Variants in POF1B observed in about 807,000 individuals in gnomAD.
POF1B encodes protein POF1B.
POF1B carries 53 observed loss-of-function variants against 55.3 expected under a neutral mutation model. That is an observed-to-expected ratio of 0.96 (90% CI 0.77 to 1.20). POF1B has a LOEUF of 1.20. Among genes scored for constraint, POF1B ranks in the 50% most tolerant of loss-of-function variants. The pLI is 0.00. For missense variants in POF1B, 478 were observed against 420.5 expected (o/e 1.14, Z -1.20); for synonymous variants, 188 against 148.3 (o/e 1.27, Z -1.95).
intron 7 of POF1B, among the ~76,000 whole-genome samples, chrX:85,324,145 A>C: frequency 8.9e-6 from 1 of 111,790 alleles, no homozygotes; most frequent in Non-Finnish European, 1.9e-5. Flanking sequence ...TTTTTGGGTC[A>C]ATTTTGGAAT....
At chrX:85,305,444 C>T (rs184483245) in intron 13 of POF1B, among the ~76,000 whole-genome samples, 40 of 110,768 alleles carry the variant, frequency 3.6e-4, no homozygotes, top group African/African-American at 1.3e-3. Context: ...AACTATGGCT[C>T]TGTTGAGTAA....
intron 15 of POF1B, among the ~76,000 whole-genome samples, chrX:85,295,183 G>T (rs1932282663): frequency 9.0e-6 from 1 of 111,369 alleles, no homozygotes; most frequent in South Asian, 3.7e-4. Flanking sequence ...TGGTTTCATT[G>T]ATCTTTGGTA....
chrX:85,364,044 T>C (rs958332557), intron 3 of POF1B, among the ~76,000 whole-genome samples: 1 of 112,093 alleles, frequency 8.9e-6, no homozygotes, highest in Non-Finnish European at 1.9e-5. Context: ...AAGTCTGTTT[T>C]GTCTGAAATT....
intron 7 of POF1B, among the ~76,000 whole-genome samples, chrX:85,323,483 A>G (rs1345285626): frequency 2.8e-5 from 3 of 108,387 alleles, no homozygotes; most frequent in African/African-American, 1.0e-4. Flanking sequence ...ATTAGGAGAT[A>G]TACCTAATGC....
At position 85,379,272 on chromosome X, in the gene POF1B, C is replaced by T. The variant is rs780681420; in HGVS notation, c.183G>A (p.Lys61=). The part of the protein sequence containing the change: ...RVRTYSGPMN[K]VVQALDPFNS... ...TGAAGGGGTCCAAGGCCTGCACCAC[C>T]TTGTTCATGGGCCCACTGTAGGTCC... Residue 61 remains lysine (K), a synonymous_variant, in exon 2 of 17, where the codon AAG becomes AAA. Transcript: ENST00000262753. 3.3e-6 allele frequency: 4 copies of T among 1,210,864 alleles called. No homozygotes were observed. In the East Asian group the frequency reaches 1.2e-4, roughly 36 times the overall value.
chrX:85,353,654 G>A (rs1438842981), intron 4 of POF1B, among the ~76,000 whole-genome samples: 3 of 110,817 alleles, frequency 2.7e-5, no homozygotes, highest in Non-Finnish European at 3.8e-5. Context: ...AAAAATGTCT[G>A]GGTAGACACT....
chrX:85,362,926 C>A (rs1168520398), intron 3 of POF1B, among the ~76,000 whole-genome samples: 1 of 110,814 alleles, frequency 9.0e-6, no homozygotes, highest in African/African-American at 3.3e-5. Flanking sequence ...TTTTGGAGCT[C>A]ATTATTGGTC....
intron 6 of POF1B, among the ~76,000 whole-genome samples, chrX:85,333,022 A>G (rs1408713350): frequency 9.0e-6 from 1 of 111,557 alleles, no homozygotes; most frequent in Non-Finnish European, 1.9e-5. Flanking sequence ...ATATATATTC[A>G]TATGTCTATA....
At chrX:85,324,922 A>G (rs1932880930) in intron 7 of POF1B, among the ~76,000 whole-genome samples, 1 of 111,871 alleles carries the variant, frequency 8.9e-6, no homozygotes, top group Non-Finnish European at 1.9e-5. Context: ...CTTCTCTGAA[A>G]AGGATCTTAT....
intron 9 of POF1B, 66 bp from the exon 10 acceptor site, chrX:85,308,282 G>A (rs1932622064): frequency 2.8e-6 from 2 of 702,644 alleles, no homozygotes; most frequent in Non-Finnish European, 4.0e-6. Context: ...ATAAGTGAAA[G>A]TTTTTTTTTT....
At chrX:85,377,188 C>T (rs749143946) in intron 2 of POF1B, among the ~76,000 whole-genome samples, 1 of 111,717 alleles carries the variant, frequency 9.0e-6, no homozygotes, top group Admixed American at 9.5e-5. Flanking sequence ...ATTATACATA[C>T]CATCACATTA....
At chrX:85,310,532 A>G (rs752067116) in intron 9 of POF1B, among the ~76,000 whole-genome samples, 1 of 112,261 alleles carries the variant, frequency 8.9e-6, no homozygotes, top group Admixed American at 9.5e-5. Flanking sequence ...GAATAAAATA[A>G]AGTATATAAT....
chrX:85,334,726 C>A (rs547262048), intron 6 of POF1B, among the ~76,000 whole-genome samples: 1 of 111,342 alleles, frequency 9.0e-6, no homozygotes, highest in South Asian at 3.7e-4. Flanking sequence ...AAATTACAGA[C>A]CTCACCTCAC....
At position 85,314,427 on chromosome X, in the gene POF1B, C is replaced by G; in HGVS notation, c.957+5G>C. 8.4e-7 allele frequency: 1 copy of G among 1,188,941 alleles called. No homozygotes were observed. Among genetic ancestry groups the G allele is most frequent in the Non-Finnish European group, 1.1e-6 (1 of 883,568 alleles). Reference sequence around the variant, plus strand: ...TTCACACATCCACTCTTGACCCCAACTCACCTGCAGAATGTAGCGTATTTG... The same window carrying G: ...TTCACACATCCACTCTTGACCCCAAGTCACCTGCAGAATGTAGCGTATTTG... On this transcript the variant is annotated splice_donor_5th_base_variant and intron_variant, in intron 9 of 16. Coordinates refer to ENST00000262753, the MANE Select transcript of POF1B (RefSeq NM_024921.4).
In POF1B at chrX:85,308,146, C is replaced by T. The variant is rs780701404; in HGVS notation, c.1028G>A (p.Gly343Glu). 1 of 1,193,105 alleles carries T rather than the reference C, an allele frequency of 8.4e-7. No homozygotes were observed. Among genetic ancestry groups the T allele is most frequent in the South Asian group, 1.9e-5 (1 of 54,053 alleles). Residue 343 changes from glycine to glutamate, a missense_variant, in exon 10 of 17, where the codon GGA becomes GAA. Coordinates refer to ENST00000262753, the MANE Select transcript of POF1B (RefSeq NM_024921.4). ...TACTGTCATATCATTTTGAAGATGTCCAAGCTCCTCCCGTATGTTGCTAAA... is the reference window on the plus strand; with the variant it reads ...TACTGTCATATCATTTTGAAGATGTTCAAGCTCCTCCCGTATGTTGCTAAA... ...STFSNIREEL[G>E]HLQNDMTSLE...
At chrX:85,308,440 T>G (rs1273158316) in intron 9 of POF1B, among the ~76,000 whole-genome samples, 1 of 111,493 alleles carries the variant, frequency 9.0e-6, no homozygotes, top group Non-Finnish European at 1.9e-5. Flanking sequence ...TTTATTATTT[T>G]TTCCATGATA....
intron 2 of POF1B, among the ~76,000 whole-genome samples, chrX:85,377,905 T>C (rs760209679): frequency 2.4e-4 from 27 of 112,206 alleles, no homozygotes; most frequent in African/African-American, 8.1e-4. Flanking sequence ...GGGGTCTAAA[T>C]ATGTTTAAAT....
At chrX:85,312,253 C>T (rs894269454) in intron 9 of POF1B, among the ~76,000 whole-genome samples, 1 of 111,684 alleles carries the variant, frequency 9.0e-6, no homozygotes, top group Non-Finnish European at 1.9e-5. Context: ...CTTCCCCATG[C>T]CTATGTCCTG....
In POF1B at chrX:85,290,973, C is replaced by T. The variant is rs142155230; in HGVS notation, c.1650-8656G>A. ...ATTTGTCAATTTTCGCTTTTGTTGC[C>T]GTTGCTTTTGACATCTTGGTCATTA... On this transcript the variant is annotated intron_variant, in intron 15 of 16. Coordinates refer to ENST00000262753, the MANE Select transcript of POF1B (RefSeq NM_024921.4). 6.4e-3 allele frequency among the ~76,000 whole-genome samples: 711 copies of T among 111,821 alleles called. 6 individuals are homozygous for T. Among genetic ancestry groups the T allele is most frequent in the Admixed American group, 0.035 (366 of 10,487 alleles).
Sources: allele counts gnomAD v4.1 joint callset (sites outside exome capture counted in the v4.1 genomes callset), GRCh38; gene constraint gnomAD v4.1.1; transcripts MANE v1.5; gene names NCBI Gene and HGNC (gene_info 2026-07-23, HGNC 2026-07-21).